KANK1: variants seen among roughly 807,000 people sequenced by gnomAD.
The protein encoded by KANK1 is KN motif and ankyrin repeat domain-containing protein 1.
Under a neutral mutation model 106.2 loss-of-function variants are expected in KANK1, and 109 were observed. The observed-to-expected ratio is 1.03, with a 90% CI of 0.88 to 1.20. The LOEUF (loss-of-function observed/expected upper bound fraction) is 1.20, where lower values mean the gene tolerates loss of function less well. Ranked by LOEUF, KANK1 falls within the 50% of genes most tolerant of loss-of-function variation. KANK1 has a pLI of 0.00. For synonymous variants in KANK1, 873 were observed against 652.2 expected (o/e 1.34, Z -5.16); for missense variants, 2,399 against 1,710.7 (o/e 1.40, Z -7.10).
intron 1 of KANK1, among the ~76,000 whole-genome samples, chr9:537,057 C>G (rs763338887): frequency 1.3e-5 from 2 of 152,178 alleles, no homozygotes; most frequent in African/African-American, 2.4e-5. Flanking sequence ...GAGGAGACCA[C>G]TTGAGTTGTG....
intron 1 of KANK1, among the ~76,000 whole-genome samples, chr9:627,970 A>G (rs780302103): frequency 1.3e-5 from 2 of 152,386 alleles, no homozygotes; most frequent in Non-Finnish European, 2.9e-5. Flanking sequence ...AGAAAAACAC[A>G]GAATCTGACT....
intron 1 of KANK1, among the ~76,000 whole-genome samples, chr9:521,958 C>G (rs1199992249): frequency 6.6e-6 from 1 of 151,786 alleles, no homozygotes; most frequent in Non-Finnish European, 1.5e-5. Flanking sequence ...ACAGGCAGCT[C>G]ATACATGGTG....
chr9:481,843 C>T (rs1383443698), intron 3 of KANK1, among the ~76,000 whole-genome samples: 3 of 141,828 alleles, frequency 2.1e-5, no homozygotes, highest in Admixed American at 7.0e-5. Flanking sequence ...GACCCTGTCT[C>T]TAAAAAAAAA....
Position 554,171 on chromosome 9 carries a change from G to C in KANK1, c.-84+49417G>C, listed in dbSNP as rs527929123. Among the ~76,000 whole-genome samples the C allele has an allele frequency of 3.4e-4, 52 of 152,316 alleles. No homozygotes were observed. The Middle Eastern group carries it at 0.014, about 40-fold the overall frequency. ...TGTTCCCCAAGAAGTCTCAAGATCTGCCATCTGCAAACTAGAGAACAAGAA... is the reference window on the plus strand; with the variant it reads ...TGTTCCCCAAGAAGTCTCAAGATCTCCCATCTGCAAACTAGAGAACAAGAA... On this transcript the variant is annotated intron_variant, in intron 1 of 11. Coordinates refer to ENST00000382297, the MANE Select transcript of KANK1 (RefSeq NM_015158.5).
chr9:707,024 G>T, intron 2 of KANK1: 1 of 985,496 alleles, frequency 1.0e-6, no homozygotes, highest in Non-Finnish European at 1.2e-6. Flanking sequence ...AGGGAATGCG[G>T]AACAGCTGAG....
chr9:634,611 C>T (rs771973029), intron 1 of KANK1, among the ~76,000 whole-genome samples: 1 of 152,244 alleles, frequency 6.6e-6, no homozygotes, highest in Non-Finnish European at 1.5e-5. Flanking sequence ...CTTACAAAGG[C>T]AGTTTCAGCA....
chr9:723,341 A>C (rs1257464514), intron 3 of KANK1, among the ~76,000 whole-genome samples: 1 of 152,128 alleles, frequency 6.6e-6, no homozygotes, highest in Non-Finnish European at 1.5e-5. Flanking sequence ...GGGTGACACT[A>C]TCTGGAAGGG....
intron 2 of KANK1, among the ~76,000 whole-genome samples, chr9:710,267 A>G (rs1410730537): frequency 6.6e-6 from 1 of 152,208 alleles, no homozygotes; most frequent in African/African-American, 2.4e-5. Context: ...TGTGAGTTAA[A>G]TATTTGCATC....
chr9:510,411 C>G (rs2058978568), intron 1 of KANK1, among the ~76,000 whole-genome samples: 1 of 152,202 alleles, frequency 6.6e-6, no homozygotes, highest in Non-Finnish European at 1.5e-5. Flanking sequence ...AATTCTTACA[C>G]ATGACCAAGG....
intron 3 of KANK1, among the ~76,000 whole-genome samples, chr9:723,801 G>A (rs1829978796): frequency 6.6e-6 from 1 of 151,998 alleles, no homozygotes; most frequent in African/African-American, 2.4e-5. Context: ...ATTTTTTAGA[G>A]ACTATTGGAG....
At chr9:729,611 G>GTT (rs1263940047) in intron 3 of KANK1, among the ~76,000 whole-genome samples, 2 of 152,222 alleles carry the variant, frequency 1.3e-5, no homozygotes, top group African/African-American at 4.8e-5. Flanking sequence ...GTTATGGATA[G>GTT]TTTAGAATCT....
At chr9:581,171 G>T (rs758932064) in intron 1 of KANK1, among the ~76,000 whole-genome samples, 1 of 152,110 alleles carries the variant, frequency 6.6e-6, no homozygotes, top group Admixed American at 6.5e-5. Flanking sequence ...ACATCTCCCC[G>T]CAAGCAGAGG....
At chr9:577,554 A>G (rs1820909217) in intron 1 of KANK1, among the ~76,000 whole-genome samples, 1 of 152,208 alleles carries the variant, frequency 6.6e-6, no homozygotes, top group African/African-American at 2.4e-5. Context: ...CCAGAAGCTC[A>G]GCCGGCTTCA....
intron 1 of KANK1, among the ~76,000 whole-genome samples, chr9:562,976 A>G (rs1295217976): frequency 2.0e-5 from 3 of 152,182 alleles, no homozygotes; most frequent in Non-Finnish European, 4.4e-5. Context: ...AAGTACTGCT[A>G]TTCATTCTTA....
chr9:711,468 C>A lies in KANK1; in HGVS notation c.702C>A (p.Ser234=). The A allele has an allele frequency of 1.2e-6, 2 of 1,614,172 alleles. No homozygotes were observed. Among genetic ancestry groups the A allele is most frequent in the Non-Finnish European group, 1.7e-6 (2 of 1,180,030 alleles). ...CCCCAGCTGCTCCCACCACTTCCTCCATGGGGAGCTCCATCCGCCACAGCC... is the reference window on the plus strand; with the variant it reads ...CCCCAGCTGCTCCCACCACTTCCTCAATGGGGAGCTCCATCCGCCACAGCC... The part of the protein sequence containing the change: ...SYAPAAPTTS[S]MGSSIRHSPL... The change falls in exon 3 of 12, where the codon TCC becomes TCA. Residue 234 remains serine (S), a synonymous_variant. Transcript: ENST00000382297.
intron 1 of KANK1, among the ~76,000 whole-genome samples, chr9:580,830 C>T (rs772720691): frequency 6.6e-6 from 1 of 152,154 alleles, no homozygotes; most frequent in African/African-American, 2.4e-5. Context: ...GGGCGGTGCT[C>T]GTTGGGGAGG....
intron 1 of KANK1, among the ~76,000 whole-genome samples, chr9:537,695 G>GC (rs775946449): frequency 2.0e-5 from 3 of 152,042 alleles, no homozygotes; most frequent in Admixed American, 6.5e-5. Context: ...ATCGATTTTT[G>GC]CCCCCCAGGG....
chr9:600,661 C>T (rs1043660515), intron 1 of KANK1, among the ~76,000 whole-genome samples: 4 of 151,712 alleles, frequency 2.6e-5, no homozygotes, highest in African/African-American at 9.8e-5. Flanking sequence ...TGCACACTTG[C>T]CCTCCATACA....
At chr9:726,298 A>G (rs1830616587) in intron 3 of KANK1, among the ~76,000 whole-genome samples, 1 of 152,114 alleles carries the variant, frequency 6.6e-6, no homozygotes, top group African/African-American at 2.4e-5. Flanking sequence ...TGTGTGATGT[A>G]TCATTAGAGG....
Sources: allele counts gnomAD v4.1 joint callset (sites outside exome capture counted in the v4.1 genomes callset), GRCh38; gene constraint gnomAD v4.1.1; transcripts MANE v1.5; gene names NCBI Gene and HGNC (gene_info 2026-07-23, HGNC 2026-07-21).